The following KSR2 variants were observed in gnomAD, a reference collection of about 807,000 sequenced individuals.
KSR2 encodes kinase suppressor of ras 2.
Under a neutral mutation model 107.8 loss-of-function variants are expected in KSR2, and 25 were observed. That is an observed-to-expected ratio of 0.23 (90% CI 0.17 to 0.32). KSR2 has a LOEUF of 0.32. KSR2 is among the 10% of genes least tolerant of loss of function. KSR2 has a pLI of 1.00. For synonymous variants in KSR2, 480 were observed against 507.0 expected, an observed-to-expected ratio of 0.95 and a Z score of 0.71; for missense variants, 887 against 1,268.9, an observed-to-expected ratio of 0.70 and a Z score of 4.57.
intron 3 of KSR2, among the ~76,000 whole-genome samples, chr12:117,783,935 A>C (rs1420259642): frequency 6.6e-6 from 1 of 152,206 alleles, no homozygotes; most frequent in Non-Finnish European, 1.5e-5. Flanking sequence ...CACAGGCACC[A>C]AAGCCCCCAA....
At chr12:117,843,696 A>C (rs772638650) in intron 3 of KSR2, among the ~76,000 whole-genome samples, 1 of 152,152 alleles carries the variant, frequency 6.6e-6, no homozygotes, top group Non-Finnish European at 1.5e-5. Context: ...TCCTGACAGT[A>C]GTCCCTCAAT....
intron 5 of KSR2, among the ~76,000 whole-genome samples, chr12:117,652,121 G>A (rs557674048): frequency 9.5e-4 from 144 of 152,232 alleles, no homozygotes; most frequent in Middle Eastern, 3.4e-3. Context: ...AGGACGCAAC[G>A]GCATAAGAAT....
chr12:117,808,489 G>A (rs950354892), intron 3 of KSR2, among the ~76,000 whole-genome samples: 3 of 152,100 alleles, frequency 2.0e-5, no homozygotes, highest in African/African-American at 7.2e-5. Flanking sequence ...AGTAATAATA[G>A]TGACTACCTC....
At chr12:117,593,634 C>T (rs577114027) in intron 5 of KSR2, among the ~76,000 whole-genome samples, 17 of 152,262 alleles carry the variant, frequency 1.1e-4, no homozygotes, top group Non-Finnish European at 2.2e-4. Flanking sequence ...GACTCTTTCC[C>T]TCTGTGCATC....
chr12:117,720,121 G>T (rs183514209), intron 4 of KSR2, among the ~76,000 whole-genome samples: 1 of 152,304 alleles, frequency 6.6e-6, no homozygotes, highest in African/African-American at 2.4e-5. Flanking sequence ...AGTGCCTGGA[G>T]GAAGTGCAGA....
At chr12:117,859,466 T>A (rs1217613512) in intron 2 of KSR2, among the ~76,000 whole-genome samples, 302 of 149,834 alleles carry the variant, frequency 2.0e-3, no homozygotes, top group Non-Finnish European at 3.0e-3. Context: ...TATTTATTTT[T>A]TTTTTTTTGA....
At chr12:117,772,633 C>T (rs937427097) in intron 3 of KSR2, among the ~76,000 whole-genome samples, 3 of 149,254 alleles carry the variant, frequency 2.0e-5, no homozygotes, top group South Asian at 2.2e-4. Flanking sequence ...CTCCCAAAGA[C>T]GCACACACAC....
chr12:117,710,070 A>T (rs1886697513), intron 4 of KSR2, among the ~76,000 whole-genome samples: 1 of 152,224 alleles, frequency 6.6e-6, no homozygotes, highest in African/African-American at 2.4e-5. Flanking sequence ...TCCCATTGGT[A>T]TTTGAAAAAC....
At position 117,850,255 on chromosome 12, in the gene KSR2, T is replaced by C. The variant is rs1208269422; in HGVS notation, c.472+5173A>G. Among the ~76,000 whole-genome samples the C allele has an allele frequency of 2.1e-5, 3 of 140,388 alleles. No homozygotes were observed. In the East Asian group the frequency reaches 6.6e-4, roughly 31 times the overall value. 92.1% of individuals were successfully genotyped at this position (140,388 alleles called of 152,430 possible). A position where few individuals can be genotyped will look rare whatever the true frequency, so the allele number is the denominator to read the frequency against. Reference sequence around the variant, plus strand: ...ACCTGGTGGTCACTGAAGTATCTGCTGTTCCGGTAGCCAAGGCAAGAGGTC... The same window carrying C: ...ACCTGGTGGTCACTGAAGTATCTGCCGTTCCGGTAGCCAAGGCAAGAGGTC... On this transcript the variant is annotated intron_variant, in intron 3 of 19. Transcript: ENST00000339824.
chr12:117,627,199 C>T (rs926396602), intron 5 of KSR2, among the ~76,000 whole-genome samples: 1 of 152,156 alleles, frequency 6.6e-6, no homozygotes, highest in African/African-American at 2.4e-5. Flanking sequence ...AGCCCATTTA[C>T]ATTTAAGGTT....
chr12:117,735,487 G>A (rs959084996), intron 4 of KSR2, among the ~76,000 whole-genome samples: 21 of 152,192 alleles, frequency 1.4e-4, no homozygotes, highest in Non-Finnish European at 3.1e-4. Flanking sequence ...AGGAAACCCT[G>A]CATTTTCCTG....
intron 4 of KSR2, among the ~76,000 whole-genome samples, chr12:117,755,063 G>A (rs567127684): frequency 1.7e-4 from 26 of 152,282 alleles, no homozygotes; most frequent in African/African-American, 6.0e-4. Flanking sequence ...AGAGATAACT[G>A]GAACCAGAAT....
chr12:117,827,520 C>A (rs997419527), intron 3 of KSR2, among the ~76,000 whole-genome samples: 5 of 152,128 alleles, frequency 3.3e-5, no homozygotes, highest in African/African-American at 1.2e-4. Context: ...TAATAATTAC[C>A]ATATAAAGTC....
At chr12:117,813,542 A>G (rs1171205410) in intron 3 of KSR2, among the ~76,000 whole-genome samples, 2 of 152,226 alleles carry the variant, frequency 1.3e-5, no homozygotes, top group Non-Finnish European at 2.9e-5. Flanking sequence ...AGAAATGCTC[A>G]GCACCACTAA....
intron 1 of KSR2, among the ~76,000 whole-genome samples, chr12:117,919,820 ACT>A (rs1895287686): frequency 6.6e-6 from 1 of 152,246 alleles, no homozygotes; most frequent in Admixed American, 6.5e-5. Context: ...CCCATGGGTA[ACT>A]CTGAGTAGCA....
At chr12:117,578,821 T>C (rs1463208816) in intron 7 of KSR2, among the ~76,000 whole-genome samples, 2 of 152,080 alleles carry the variant, frequency 1.3e-5, no homozygotes, top group African/African-American at 4.8e-5. Flanking sequence ...TCAACTCGAG[T>C]AAGAATTTGC....
intron 4 of KSR2, among the ~76,000 whole-genome samples, chr12:117,725,112 A>C (rs921564173): frequency 1.2e-3 from 167 of 144,764 alleles, no homozygotes; most frequent in Middle Eastern, 3.5e-3. Flanking sequence ...ACACACACAC[A>C]CCCCAAAAAC....
chr12:117,617,899 G>T (rs1454062241), intron 5 of KSR2, among the ~76,000 whole-genome samples: 1 of 152,064 alleles, frequency 6.6e-6, no homozygotes, highest in East Asian at 1.9e-4. Flanking sequence ...CCCAATTCTG[G>T]AAAATCCCAG....
chr12:117,952,599 C>T (rs1027887861), intron 1 of KSR2, among the ~76,000 whole-genome samples: 3 of 152,044 alleles, frequency 2.0e-5, no homozygotes, highest in African/African-American at 7.2e-5. Flanking sequence ...TTGCTTGAAC[C>T]CGGGAGGCGG....
Sources: gnomAD v4.1 joint callset for allele counts (sites outside exome capture counted in the v4.1 genomes callset) on GRCh38, gnomAD v4.1.1 for gene constraint, MANE v1.5 for transcripts, NCBI Gene and HGNC (gene_info 2026-07-23, HGNC 2026-07-21) for gene names.